The following FHIT variants were observed in gnomAD, a reference collection of about 807,000 sequenced individuals.
The protein encoded by FHIT is bis(5'-adenosyl)-triphosphatase.
FHIT carries 19 observed loss-of-function variants against 17.9 expected under a neutral mutation model. The ratio of observed to expected loss-of-function variants is 1.06; its 90% confidence interval spans 0.74 to 1.56. The LOEUF (loss-of-function observed/expected upper bound fraction) is 1.56, where lower values mean the gene tolerates loss of function less well. FHIT is among the 40% of genes most tolerant of loss of function. FHIT has a pLI of 0.00. For missense variants in FHIT, 248 were observed against 189.2 expected (o/e 1.31, Z -1.82); for synonymous variants, 81 against 69.7 (o/e 1.16, Z -0.81).
chr3:60,262,398 A>G (rs1304400834), intron 5 of FHIT, among the ~76,000 whole-genome samples: 2 of 152,028 alleles, frequency 1.3e-5, no homozygotes, highest in African/African-American at 2.4e-5. Context: ...TGCTTGCAGA[A>G]AAGTGATGGT....
intron 7 of FHIT, among the ~76,000 whole-genome samples, chr3:59,948,095 C>T (rs1007816796): frequency 2.0e-5 from 3 of 152,100 alleles, no homozygotes; most frequent in South Asian, 2.1e-4. Context: ...CTATAAACTA[C>T]CTGTGAACAT....
chr3:60,455,868 A>G (rs2032057797), intron 5 of FHIT, among the ~76,000 whole-genome samples: 1 of 152,114 alleles, frequency 6.6e-6, no homozygotes, highest in African/African-American at 2.4e-5. Context: ...CATCAAGAGG[A>G]AAAAAATACA....
At chr3:60,180,386 C>G (rs1406590526) in intron 5 of FHIT, among the ~76,000 whole-genome samples, 2 of 152,122 alleles carry the variant, frequency 1.3e-5, no homozygotes, top group Non-Finnish European at 2.9e-5. Context: ...TTGGGTTTGT[C>G]AGAATTAAGG....
intron 2 of FHIT, among the ~76,000 whole-genome samples, chr3:61,154,371 A>C (rs1276693072): frequency 6.6e-6 from 1 of 152,216 alleles, no homozygotes; most frequent in Non-Finnish European, 1.5e-5. Context: ...ATAATGTAGA[A>C]GGAAGAACCT....
chr3:59,890,513 A>G (rs1205655667), intron 8 of FHIT, among the ~76,000 whole-genome samples: 2 of 152,124 alleles, frequency 1.3e-5, no homozygotes, highest in Non-Finnish European at 2.9e-5. Flanking sequence ...CTGTTGGGGA[A>G]GTTCTGAAGT....
chr3:60,289,323 G>C (rs775569591), intron 5 of FHIT, among the ~76,000 whole-genome samples: 12 of 151,952 alleles, frequency 7.9e-5, no homozygotes, highest in Non-Finnish European at 7.4e-5. Flanking sequence ...TGAATCTTTA[G>C]ACCTAGATAA....
chr3:60,319,106 T>C (rs1709300696), intron 5 of FHIT, among the ~76,000 whole-genome samples: 1 of 152,148 alleles, frequency 6.6e-6, no homozygotes, highest in Non-Finnish European at 1.5e-5. Flanking sequence ...TTAAGATTCT[T>C]AACCTGATCA....
intron 5 of FHIT, among the ~76,000 whole-genome samples, chr3:60,131,084 T>C (rs1327659459): frequency 1.0e-5 from 1 of 97,132 alleles, no homozygotes; most frequent in Non-Finnish European, 1.9e-5. Flanking sequence ...TGTATACACA[T>C]ATATACACAT....
intron 5 of FHIT, among the ~76,000 whole-genome samples, chr3:60,445,998 G>A (rs1390327663): frequency 6.6e-6 from 1 of 151,952 alleles, no homozygotes; most frequent in Non-Finnish European, 1.5e-5. Flanking sequence ...TAATATCCTA[G>A]AAAAAATAGA....
intron 5 of FHIT, among the ~76,000 whole-genome samples, chr3:60,111,898 T>C (rs1262682807): frequency 6.6e-6 from 1 of 152,224 alleles, no homozygotes; most frequent in Non-Finnish European, 1.5e-5. Context: ...ACTCTTTGCC[T>C]GAAACACCGT....
intron 7 of FHIT, among the ~76,000 whole-genome samples, chr3:59,928,478 T>C (rs971479348): frequency 4.5e-4 from 69 of 152,158 alleles, no homozygotes; most frequent in African/African-American, 1.5e-3. Flanking sequence ...CAGAAAGGAT[T>C]TGCAAATCAC....
At chr3:59,839,333 A>G in intron 8 of FHIT, among the ~76,000 whole-genome samples, 1 of 150,242 alleles carries the variant, frequency 6.7e-6, no homozygotes, top group East Asian at 2.0e-4. Flanking sequence ...AAAAAAAAAC[A>G]AAAAGAAAAG....
chr3:61,018,398 G>A (rs969215413), intron 3 of FHIT, among the ~76,000 whole-genome samples: 1 of 152,190 alleles, frequency 6.6e-6, no homozygotes, highest in African/African-American at 2.4e-5. Flanking sequence ...GAATTTAAGT[G>A]TCATGCACAT....
intron 5 of FHIT, among the ~76,000 whole-genome samples, chr3:60,164,967 CAG>C (rs1007118474): frequency 6.0e-4 from 91 of 152,272 alleles, no homozygotes; most frequent in African/African-American, 2.0e-3. Context: ...TGAAATGCCA[CAG>C]AGAGTCACAA....
intron 5 of FHIT, among the ~76,000 whole-genome samples, chr3:60,518,050 G>T (rs956839673): frequency 1.3e-5 from 2 of 151,990 alleles, no homozygotes; most frequent in Non-Finnish European, 2.9e-5. Flanking sequence ...TTAGAAGAAA[G>T]AAAACTCATT....
intron 4 of FHIT, among the ~76,000 whole-genome samples, chr3:60,687,463 C>T (rs114780699): frequency 6.6e-6 from 1 of 151,996 alleles, no homozygotes; most frequent in Non-Finnish European, 1.5e-5. Flanking sequence ...CTTTTCCAAG[C>T]TACTGATTTT....
chr3:60,845,336 CAAAA>C (rs1167933685), intron 3 of FHIT, among the ~76,000 whole-genome samples: 42 of 150,928 alleles, frequency 2.8e-4, no homozygotes, highest in African/African-American at 8.6e-4. Flanking sequence ...AACAAACAAA[CAAAA>C]AAAAAAACCA....
At chr3:59,763,166 T>C (rs1454591840) in intron 8 of FHIT, among the ~76,000 whole-genome samples, 2 of 152,258 alleles carry the variant, frequency 1.3e-5, no homozygotes, top group East Asian at 1.9e-4. Context: ...TTTCTGCCTT[T>C]GTTGGAATCT....
chr3:59,795,540 T>C (rs922858823), intron 8 of FHIT, among the ~76,000 whole-genome samples: 12 of 151,608 alleles, frequency 7.9e-5, no homozygotes, highest in African/African-American at 2.7e-4. Context: ...CTAGGCAACA[T>C]GGCAAAACCT....
Sources: gnomAD v4.1 joint callset for allele counts (sites outside exome capture counted in the v4.1 genomes callset) on GRCh38, gnomAD v4.1.1 for gene constraint, MANE v1.5 for transcripts, NCBI Gene and HGNC (gene_info 2026-07-23, HGNC 2026-07-21) for gene names.